GADL1: variants seen among roughly 807,000 people sequenced by gnomAD.
GADL1 encodes the protein acidic amino acid decarboxylase GADL1.
GADL1 carries 71 observed loss-of-function variants against 69.5 expected under a neutral mutation model. The ratio of observed to expected loss-of-function variants is 1.02; its 90% CI spans 0.84 to 1.25. GADL1 has a LOEUF of 1.25. GADL1 is among the 50% of genes most tolerant of loss of function. The pLI, the probability that GADL1 is intolerant of heterozygous loss-of-function variation, is 0.00. For missense variants in GADL1, 737 were observed against 631.8 expected (o/e 1.17, Z -1.79); for synonymous variants, 254 against 214.4 (o/e 1.18, Z -1.62).
intron 1 of GADL1, among the ~76,000 whole-genome samples, chr3:30,867,907 G>C (rs1698427609): frequency 6.6e-6 from 1 of 151,946 alleles, no homozygotes; most frequent in African/African-American, 2.4e-5. Context: ...TGAAATTAAG[G>C]GTTGTGGTTA....
chr3:30,771,762 T>C (rs531914461), intron 14 of GADL1, among the ~76,000 whole-genome samples: 1 of 152,286 alleles, frequency 6.6e-6, no homozygotes, highest in African/African-American at 2.4e-5. Flanking sequence ...TCAAAGACAA[T>C]GACAAAATCA....
At chr3:30,891,089 G>A (rs1698779903) in intron 1 of GADL1, among the ~76,000 whole-genome samples, 1 of 150,646 alleles carries the variant, frequency 6.6e-6, no homozygotes, top group Admixed American at 6.6e-5. Context: ...GAACAGCTGT[G>A]GTGAGTCTGC....
chr3:30,821,018 T>C (rs1484455766), intron 11 of GADL1, among the ~76,000 whole-genome samples: 1 of 152,088 alleles, frequency 6.6e-6, no homozygotes, highest in Non-Finnish European at 1.5e-5. Context: ...TCATGTCCTT[T>C]GTAGGGACAT....
At chr3:30,773,975 C>T (rs1202209564) in intron 14 of GADL1, among the ~76,000 whole-genome samples, 1 of 152,016 alleles carries the variant, frequency 6.6e-6, no homozygotes, top group African/African-American at 2.4e-5. Context: ...TATCCAGTAC[C>T]CAATTTCCAG....
chr3:30,796,023 CATTT>C (rs1320407330), intron 12 of GADL1, among the ~76,000 whole-genome samples: 5 of 152,162 alleles, frequency 3.3e-5, no homozygotes, highest in African/African-American at 1.2e-4. Context: ...GAAATGTTAA[CATTT>C]ATCCTCCTGT....
chr3:30,858,896 G>A (rs941858642), intron 2 of GADL1, among the ~76,000 whole-genome samples: 1 of 151,924 alleles, frequency 6.6e-6, no homozygotes, highest in Admixed American at 6.6e-5. Flanking sequence ...GTCCTGTGGA[G>A]GGCACGCCAG....
chr3:30,823,836 C>T (rs1018574457), intron 11 of GADL1, among the ~76,000 whole-genome samples: 4 of 151,830 alleles, frequency 2.6e-5, no homozygotes, highest in Admixed American at 2.6e-4. Context: ...AATTATAAAG[C>T]TAGAAAGACA....
At chr3:30,755,437 T>C (rs959008986) in intron 14 of GADL1, among the ~76,000 whole-genome samples, 3 of 152,210 alleles carry the variant, frequency 2.0e-5, no homozygotes, top group African/African-American at 7.2e-5. Context: ...AGCACTGGAA[T>C]AAATACAAAG....
chr3:30,861,550 A>G (rs1170350404), intron 2 of GADL1, 43 bp downstream of exon 2: 4 of 1,427,400 alleles, frequency 2.8e-6, no homozygotes, highest in African/African-American at 1.4e-5. Context: ...GGGAACATCT[A>G]TCTTTCCCAT....
intron 12 of GADL1, chr3:30,798,916 A>G (rs1697104779): frequency 6.6e-6 from 1 of 152,248 alleles, no homozygotes; most frequent in Non-Finnish European, 1.5e-5. Flanking sequence ...CTAAAGTTCC[A>G]AAATGATCTC....
rs1458452965 is a variant in GADL1 at position 30,800,903 on chromosome 3, A to G, written c.1236T>C (p.Ala412=). The change falls in exon 12 of 15, where the codon GCT becomes GCC. Residue 412 remains alanine (A), a synonymous_variant. Coordinates refer to ENST00000282538, the MANE Select transcript of GADL1 (RefSeq NM_207359.3). ...TLGLEERVNR[A]LALSRYLVDE... ...GAGGCTAGTACCTAGATAAAGCAAG[A>G]GCACGATTAACTCTTTCTTCAAGGC... 3.7e-6 allele frequency: 6 copies of G among 1,609,984 alleles called. No homozygotes were observed. Among genetic ancestry groups the G allele is most frequent in the East Asian group, 2.2e-5 (1 of 44,802 alleles).
chr3:30,729,532 T>A lies in GADL1; in HGVS notation c.1393-1117A>T, dbSNP rs553743078. Reference sequence around the variant, plus strand: ...CAGGCAGAGTGTGCTTTTAAACTCCTTAGGTGAGGGGCATGAATCTGGGTT... The same window carrying A: ...CAGGCAGAGTGTGCTTTTAAACTCCATAGGTGAGGGGCATGAATCTGGGTT... On this transcript the variant is annotated intron_variant, in intron 14 of 14. Coordinates refer to ENST00000282538, the MANE Select transcript of GADL1 (RefSeq NM_207359.3). Among the ~76,000 whole-genome samples the A allele has an allele frequency of 5.3e-5, 8 of 152,250 alleles. No homozygotes were observed. The East Asian group carries it at 1.5e-3, about 29-fold the overall frequency.
intron 14 of GADL1, among the ~76,000 whole-genome samples, chr3:30,752,551 CCA>C (rs992896145): frequency 3.3e-5 from 5 of 152,170 alleles, no homozygotes; most frequent in African/African-American, 1.2e-4. Flanking sequence ...ATCACCATAA[CCA>C]CTCATAAACC....
intron 11 of GADL1, among the ~76,000 whole-genome samples, chr3:30,813,044 C>T (rs962834585): frequency 6.6e-6 from 1 of 151,958 alleles, no homozygotes; most frequent in African/African-American, 2.4e-5. Context: ...TGAGAAGGCA[C>T]ATGAGAAGGG....
At chr3:30,768,153 G>A (rs1307555914) in intron 14 of GADL1, among the ~76,000 whole-genome samples, 1 of 150,536 alleles carries the variant, frequency 6.6e-6, no homozygotes, top group African/African-American at 2.5e-5. Flanking sequence ...GTAATACAAA[G>A]CTAATCAGGC....
intron 11 of GADL1, among the ~76,000 whole-genome samples, chr3:30,828,485 G>GT (rs969960470): frequency 2.0e-5 from 3 of 150,224 alleles, no homozygotes; most frequent in African/African-American, 4.9e-5. Context: ...AAAGTGGGGG[G>GT]GGTGCGGGGG....
chr3:30,814,716 C>A (rs897068291), intron 11 of GADL1, among the ~76,000 whole-genome samples: 1 of 151,944 alleles, frequency 6.6e-6, no homozygotes, highest in African/African-American at 2.4e-5. Flanking sequence ...ATGAAGGCTG[C>A]AAAACCAGAG....
intron 1 of GADL1, among the ~76,000 whole-genome samples, chr3:30,884,432 G>A (rs559281618): frequency 6.6e-6 from 1 of 152,136 alleles, no homozygotes; most frequent in Admixed American, 6.5e-5. Context: ...GGCAACAGAA[G>A]CAGAACCAAA....
chr3:30,850,838 G>A lies in GADL1; in HGVS notation c.532C>T (p.Pro178Ser). The A allele has an allele frequency of 6.5e-7, 1 of 1,529,292 alleles. No homozygotes were observed. Among genetic ancestry groups the A allele is most frequent in the African/African-American group, 1.4e-5 (1 of 72,604 alleles). 94.7% of individuals were successfully genotyped at this position (1,529,292 alleles called of 1,614,324 possible). The change falls in exon 5 of 15, where the codon CCA becomes TCA. Residue 178 changes from proline to serine, a missense_variant. By Grantham distance (74) the Pro-to-Ser change is moderately conservative. Coordinates refer to ENST00000282538, the MANE Select transcript of GADL1 (RefSeq NM_207359.3). Reference protein sequence around the residue: ...GWKEGDGIFNPGGSVSNMYAM... With the variant: ...GWKEGDGIFNSGGSVSNMYAM... The stretch of plus-strand genomic sequence containing the variant: ...ATCAATAACTAATTGTACTCACCTG[G>A]GTTAAATATTCCATCCCCTTCTTTC...
Sources: allele counts gnomAD v4.1 joint callset (sites outside exome capture counted in the v4.1 genomes callset), GRCh38; gene constraint gnomAD v4.1.1; transcripts MANE v1.5; gene names NCBI Gene and HGNC (gene_info 2026-07-23, HGNC 2026-07-21).